The following ACSM1 variants were observed in gnomAD, a reference collection of about 807,000 sequenced individuals.
ACSM1 encodes the protein acyl-CoA synthetase medium chain family member 1.
A neutral mutation model predicts 75.8 loss-of-function variants in ACSM1; 79 were observed. The ratio of observed to expected loss-of-function variants is 1.04; its 90% CI spans 0.87 to 1.26. The LOEUF is 1.26. ACSM1 is among the 50% of genes most tolerant of loss of function. The probability of loss-of-function intolerance (pLI) is 0.00; values close to 1 mark genes in which losing one functional copy is unlikely to be tolerated. For missense variants in ACSM1, 676 were observed against 720.1 expected, an observed-to-expected ratio of 0.94 and a Z score of 0.70; for synonymous variants, 279 against 265.8, an observed-to-expected ratio of 1.05 and a Z score of -0.48.
Position 20,672,497 on chromosome 16 carries a change from A to ATAT in ACSM1, c.612-827_612-826insATA, listed in dbSNP as rs1274005290. ...ATATATATATATATATATATATATA[A>ATAT]AAAACATATTTATATATTATATATC... On this transcript the variant is annotated intron_variant, in intron 4 of 13. Coordinates refer to ENST00000520010, the MANE Select transcript of ACSM1 (RefSeq NM_001318890.3). 2.7e-3 allele frequency among the ~76,000 whole-genome samples: 307 copies of ATAT among 112,532 alleles called. 3 individuals are homozygous for ATAT. Among genetic ancestry groups the ATAT allele is most frequent in the Non-Finnish European group, 3.9e-3 (226 of 58,412 alleles). The allele number at this position is 112,532 out of a possible 152,430, so 73.8% of individuals were successfully genotyped here.
intron 4 of ACSM1, among the ~76,000 whole-genome samples, chr16:20,675,448 G>A (rs568937632): frequency 2.6e-5 from 4 of 152,224 alleles, no homozygotes; most frequent in African/African-American, 7.2e-5. Flanking sequence ...GGAAAGGCAC[G>A]TTCCTGGCTA....
chr16:20,661,940 C>A, intron 6 of ACSM1, 67 bp from the exon 7 acceptor site: 2 of 1,052,810 alleles, frequency 1.9e-6, no homozygotes, highest in East Asian at 2.5e-5. Flanking sequence ...CAATTATTAG[C>A]AGTCTAGTTC....
Position 20,627,869 on chromosome 16 carries a change from CATATATAT to C in ACSM1, c.1300-561_1300-554del, listed in dbSNP as rs61366465. Among the ~76,000 whole-genome samples the C allele has an allele frequency of 9.9e-3, 770 of 77,412 alleles. 13 individuals carry two copies. Among genetic ancestry groups the C allele is most frequent in the East Asian group, 0.019 (30 of 1,542 alleles). 50.8% of individuals were successfully genotyped at this position (77,412 alleles called of 152,430 possible). ...CTCTCTCTCTCTCTCTGTATGTATA[CATATATAT>C]ATATATATATATATATATATATATA... On this transcript the variant is annotated intron_variant, in intron 10 of 13. Transcript: ENST00000520010.
chr16:20,660,985 A>G (rs1339999119), intron 7 of ACSM1, among the ~76,000 whole-genome samples: 2 of 152,208 alleles, frequency 1.3e-5, no homozygotes, highest in Non-Finnish European at 2.9e-5. Context: ...GCTTATATAA[A>G]GAAGCATAAA....
chr16:20,667,760 C>T (rs1347721299), intron 6 of ACSM1, among the ~76,000 whole-genome samples: 2 of 152,142 alleles, frequency 1.3e-5, no homozygotes, highest in Non-Finnish European at 2.9e-5. Context: ...AGGTGCCCAT[C>T]AATGGTGGAC....
At chr16:20,693,438 T>G (rs1225072911) in intron 1 of ACSM1, among the ~76,000 whole-genome samples, 4 of 152,220 alleles carry the variant, frequency 2.6e-5, no homozygotes, top group Non-Finnish European at 5.9e-5. Flanking sequence ...TTTCTTTCCA[T>G]GTAAATGTTG....
intron 6 of ACSM1, among the ~76,000 whole-genome samples, chr16:20,664,147 G>GTATGTATTTATTTATTTATTTATT (rs143982261): frequency 2.1e-5 from 3 of 145,520 alleles, no homozygotes; most frequent in African/African-American, 7.6e-5. Context: ...AAATTGAATA[G>GTATGTATTTATTTATTTATTTATT]TATTTATTTA....
At chr16:20,627,118 T>C (rs1333403615) in intron 11 of ACSM1, 71 bp downstream of exon 11, 1 of 1,450,678 alleles carries the variant, frequency 6.9e-7, no homozygotes, top group Non-Finnish European at 9.0e-7. Context: ...CGTGAAAAAA[T>C]GTCTAGGTAA....
intron 7 of ACSM1, among the ~76,000 whole-genome samples, chr16:20,659,986 G>C (rs916139558): frequency 2.0e-5 from 3 of 152,174 alleles, no homozygotes; most frequent in African/African-American, 7.2e-5. Context: ...AAATGTATTT[G>C]ATTGATGTCT....
At chr16:20,633,537 T>C (rs2017476440) in intron 10 of ACSM1, among the ~76,000 whole-genome samples, 1 of 152,180 alleles carries the variant, frequency 6.6e-6, no homozygotes, top group African/African-American at 2.4e-5. Context: ...AAGAGATAAG[T>C]AAATGAAAAG....
Position 20,673,488 on chromosome 16 carries a change from T to C in ACSM1, c.612-1817A>G, listed in dbSNP as rs140539787. The stretch of plus-strand genomic sequence containing the variant: ...GCCTTTTGGGGTTGAAATAAAGAGC[T>C]TTAAAAACTCAAGTATTACTCCAAG... On this transcript the variant is annotated intron_variant, in intron 4 of 13. Coordinates refer to ENST00000520010, the MANE Select transcript of ACSM1 (RefSeq NM_001318890.3). 1.1e-4 allele frequency among the ~76,000 whole-genome samples: 16 copies of C among 152,294 alleles called. No homozygotes were observed. The East Asian group carries it at 1.2e-3, about 11-fold the overall frequency.
At chr16:20,645,803 T>C (rs2018327884) in intron 7 of ACSM1, among the ~76,000 whole-genome samples, 1 of 152,126 alleles carries the variant, frequency 6.6e-6, no homozygotes, top group Admixed American at 6.6e-5. Context: ...CTGGAAGGAC[T>C]AAGGAAAACT....
chr16:20,685,486 G>C lies in ACSM1; in HGVS notation c.193-83C>G, dbSNP rs926439664. On this transcript the variant is annotated intron_variant, in intron 2 of 13. Transcript: ENST00000520010. ...TAAACTAATCCACAGCCATAGTCAC[G>C]TTCCAATGTGAACACAGCTTAAGGA... is the stretch of plus-strand genomic sequence containing the variant. 7.1e-6 allele frequency: 9 copies of C among 1,265,516 alleles called. No individual in the cohort carries two copies. The East Asian group carries it at 2.1e-4, about 29-fold the overall frequency. 78.4% of individuals were successfully genotyped at this position (1,265,516 alleles called of 1,614,324 possible). A position where few individuals can be genotyped will look rare whatever the true frequency, so the allele number is the denominator to read the frequency against.
chr16:20,636,095 A>G (rs2017689979), intron 10 of ACSM1, among the ~76,000 whole-genome samples: 1 of 152,168 alleles, frequency 6.6e-6, no homozygotes. Context: ...GCCGCCAATG[A>G]AAGTGTCTTT....
Position 20,627,225 on chromosome 16 carries a change from A to G in ACSM1, c.1391T>C (p.Phe464Ser), listed in dbSNP as rs1330816991. The G allele has an allele frequency of 8.2e-6, 13 of 1,576,370 alleles. No homozygotes were observed. Among genetic ancestry groups the G allele is most frequent in the Admixed American group, 3.6e-5 (2 of 54,892 alleles). ...AATGATGTCATCACTCCTCCCCAGG[A>G]AACAAATGTAGCCCTCTTCATCCAT... ...GKMDEEGYIC[F>S]LGRSDDIINA... Residue 464 changes from phenylalanine to serine, a missense_variant, in exon 11 of 14, where the codon TTC (phenylalanine) becomes TCC (serine). By Grantham distance (155) the Phe-to-Ser change is radical (BLOSUM62 -2). Coordinates refer to ENST00000520010, the MANE Select transcript of ACSM1 (RefSeq NM_001318890.3).
chr16:20,631,729 G>A lies in ACSM1; in HGVS notation c.1300-4413C>T, dbSNP rs2017358655. Among the ~76,000 whole-genome samples, 3 of 152,196 alleles carry A rather than the reference G, an allele frequency of 2.0e-5. No individual in the cohort carries two copies. In the South Asian group the frequency reaches 6.2e-4, roughly 32 times the overall value. ...TGTCTTTCGTGGCAACTTGGAAGGA[G>A]CTGGAGGCCATTATTCTAAGTGAAG... On this transcript the variant is annotated intron_variant, in intron 10 of 13. Coordinates refer to ENST00000520010, the MANE Select transcript of ACSM1 (RefSeq NM_001318890.3).
At chr16:20,660,730 A>G (rs1206308387) in intron 7 of ACSM1, among the ~76,000 whole-genome samples, 2 of 152,182 alleles carry the variant, frequency 1.3e-5, no homozygotes, top group East Asian at 1.9e-4. Context: ...TATGTCTAAA[A>G]CATATTAGCT....
intron 7 of ACSM1, among the ~76,000 whole-genome samples, chr16:20,643,596 G>A (rs759422422): frequency 6.6e-6 from 1 of 152,226 alleles, no homozygotes; most frequent in Non-Finnish European, 1.5e-5. Context: ...AGAGTGAGCA[G>A]CTGTAAGATT....
At chr16:20,645,660 C>G (rs2018320092) in intron 7 of ACSM1, among the ~76,000 whole-genome samples, 1 of 152,158 alleles carries the variant, frequency 6.6e-6, no homozygotes, top group East Asian at 1.9e-4. Context: ...TCAGTCAGGT[C>G]AATGATAGGA....
Sources: allele counts gnomAD v4.1 joint callset (sites outside exome capture counted in the v4.1 genomes callset), GRCh38; gene constraint gnomAD v4.1.1; transcripts MANE v1.5; gene names NCBI Gene and HGNC (gene_info 2026-07-23, HGNC 2026-07-21).